Variants in MAGI1 observed in about 807,000 individuals in gnomAD.
MAGI1 encodes the protein membrane associated guanylate kinase, WW and PDZ domain containing 1, also known as membrane-associated guanylate kinase, WW and PDZ domain-containing protein 1.
Under a neutral mutation model 139.9 loss-of-function variants are expected in MAGI1, and 58 were observed. The ratio of observed to expected loss-of-function variants is 0.41; its 90% confidence interval spans 0.34 to 0.52. The LOEUF (loss-of-function observed/expected upper bound fraction) is 0.52. Among genes scored for constraint, MAGI1 ranks in the 20% least tolerant of loss-of-function variants. The probability of loss-of-function intolerance (pLI) is 0.12; values close to 1 mark genes in which losing one functional copy is unlikely to be tolerated. For missense variants in MAGI1, 1,874 were observed against 1,901.6 expected (o/e 0.99, Z 0.27); for synonymous variants, 812 against 737.9 (o/e 1.10, Z -1.63).
chr3:65,406,803 C>CTATA (rs571595404), intron 12 of MAGI1, among the ~76,000 whole-genome samples: 2 of 145,200 alleles, frequency 1.4e-5, no homozygotes, highest in African/African-American at 4.9e-5. Context: ...ATCTCTCTCT[C>CTATA]TCTATATATA....
At chr3:65,691,307 A>AAAAAAAAAAAAAAAAAAAAAAAAAAG (rs1388046202) in intron 1 of MAGI1, among the ~76,000 whole-genome samples, 8 of 133,744 alleles carry the variant, frequency 6.0e-5, no homozygotes, top group African/African-American at 1.3e-4. Context: ...CGTCTCAAAA[A>AAAAAAAAAAAAAAAAAAAAAAAAAAG]AAAAAAAAGA....
chr3:65,734,393 G>C (rs576855807), intron 1 of MAGI1, among the ~76,000 whole-genome samples: 24 of 151,244 alleles, frequency 1.6e-4, no homozygotes, highest in Admixed American at 1.5e-3. Flanking sequence ...CCAGGAGGTC[G>C]AGGCAGCAGT....
intron 1 of MAGI1, among the ~76,000 whole-genome samples, chr3:66,026,882 A>G (rs28482836): frequency 0.097 from 14,678 of 151,804 alleles, 898 homozygotes; most frequent in Middle Eastern, 0.21. Context: ...GGGCCAGCCT[A>G]AGACCGGTGT....
chr3:65,952,800 C>T (rs565217341), intron 1 of MAGI1, among the ~76,000 whole-genome samples: 23 of 152,266 alleles, frequency 1.5e-4, no homozygotes, highest in African/African-American at 5.1e-4. Context: ...GGCGACAGAG[C>T]GAGACTTCAT....
At chr3:65,778,127 T>C (rs913786648) in intron 1 of MAGI1, among the ~76,000 whole-genome samples, 5 of 152,072 alleles carry the variant, frequency 3.3e-5, no homozygotes, top group African/African-American at 1.2e-4. Context: ...GAAGAAAATA[T>C]TAATTTAAAA....
chr3:65,468,148 T>C (rs542788807), intron 5 of MAGI1, among the ~76,000 whole-genome samples: 1 of 152,254 alleles, frequency 6.6e-6, no homozygotes, highest in Non-Finnish European at 1.5e-5. Context: ...AACTTGTAAA[T>C]GATGGAAACA....
intron 1 of MAGI1, among the ~76,000 whole-genome samples, chr3:65,755,541 C>G (rs1577013839): frequency 1.1e-5 from 1 of 87,978 alleles, no homozygotes; most frequent in African/African-American, 4.3e-5. Flanking sequence ...TTCTTCTAGA[C>G]AGTCTGTGAT....
At chr3:66,036,275 G>C (rs529276310) in intron 1 of MAGI1, among the ~76,000 whole-genome samples, 6 of 152,334 alleles carry the variant, frequency 3.9e-5, no homozygotes, top group African/African-American at 1.4e-4. Flanking sequence ...CTTTCCACGT[G>C]TTAGCTTATG....
Position 65,356,661 on chromosome 3 carries a change from C to T in MAGI1, c.4106G>A (p.Arg1369Gln). The change falls in exon 23 of 23, where the codon CGG (arginine) becomes CAG (glutamine). Residue 1369 changes from arginine to glutamine, a missense_variant. By Grantham distance (43) the Arg-to-Gln change is conservative. Coordinates refer to ENST00000402939, the MANE Select transcript of MAGI1 (RefSeq NM_001033057.2). The part of the protein sequence containing the change: ...PTRRRDGSPS[R>Q]RRRSLERLLE... ...GAGTCTCTCCAGAGACCGTCTCCGC[C>T]GGCTGGGGGAGCCGTCTCTCCTGCG... is the stretch of plus-strand genomic sequence containing the variant. The T allele has an allele frequency of 6.3e-7, 1 of 1,582,932 alleles. No homozygotes were observed. Among genetic ancestry groups the T allele is most frequent in the Non-Finnish European group, 8.6e-7 (1 of 1,166,170 alleles).
chr3:65,364,736 G>T lies in MAGI1; in HGVS notation c.3291-11C>A. On this transcript the variant is annotated splice_polypyrimidine_tract_variant and intron_variant, in intron 19 of 22. Transcript: ENST00000402939. ...GGTTTGGTGGTATTCCTGCCAAAGT[G>T]AAAGAAATAAATATAAGAGCAACCC... 6.2e-7 allele frequency: 1 copy of T among 1,613,650 alleles called. No individual in the cohort carries two copies. The highest frequency in any genetic ancestry group is 8.5e-7 in the Non-Finnish European group (1 of 1,179,588).
At position 65,687,461 on chromosome 3, in the gene MAGI1, A is replaced by G. The variant is rs775784582; in HGVS notation, c.314-65373T>C. 3.4e-4 allele frequency: 130 copies of G among 385,478 alleles called. 1 individual carries two copies. Among genetic ancestry groups the G allele is most frequent in the Middle Eastern group, 2.7e-3 (4 of 1,496 alleles). The allele number at this position is 385,478 out of a possible 1,614,324, so 23.9% of individuals were successfully genotyped here. A position where few individuals can be genotyped will look rare whatever the true frequency, so the allele number is the denominator to read the frequency against. On this transcript the variant is annotated intron_variant, in intron 1 of 22. Coordinates refer to ENST00000402939, the MANE Select transcript of MAGI1 (RefSeq NM_001033057.2). ...GCCAACACCTGATGCAACTTCCTTC[A>G]GTGAGGCCTTCCTGAAGAGCAATCA...
Position 65,891,942 on chromosome 3 carries a change from A to G in MAGI1, c.313+146054T>C, listed in dbSNP as rs1463846733. 6.6e-3 allele frequency among the ~76,000 whole-genome samples: 597 copies of G among 90,844 alleles called. 8 individuals are homozygous for G. The highest frequency in any genetic ancestry group is 0.011 in the African/African-American group (272 of 24,362). The allele number at this position is 90,844 out of a possible 152,430, so 59.6% of individuals were successfully genotyped here. A position where few individuals can be genotyped will look rare whatever the true frequency, so the allele number is the denominator to read the frequency against. Reference sequence around the variant, plus strand: ...TATATATATATATATATATATATATACCCGTGTTGCTCCAATTCAAATTTG... The same window carrying G: ...TATATATATATATATATATATATATGCCCGTGTTGCTCCAATTCAAATTTG... On this transcript the variant is annotated intron_variant, in intron 1 of 22. Transcript: ENST00000402939.
At chr3:65,596,923 G>C (rs540198150) in intron 2 of MAGI1, among the ~76,000 whole-genome samples, 3 of 152,244 alleles carry the variant, frequency 2.0e-5, no homozygotes, top group Admixed American at 1.3e-4. Context: ...AAAGCCTTCC[G>C]CATGTACATT....
chr3:65,437,096 T>TA (rs546799566), intron 10 of MAGI1, 59 bp downstream of exon 10: 70 of 1,246,982 alleles, frequency 5.6e-5, no homozygotes, highest in South Asian at 1.4e-4. Context: ...CAAAATACCT[T>TA]AAAAAAAATT....
At chr3:65,990,828 A>T (rs1348567997) in intron 1 of MAGI1, among the ~76,000 whole-genome samples, 4 of 152,162 alleles carry the variant, frequency 2.6e-5, no homozygotes, top group Non-Finnish European at 4.4e-5. Flanking sequence ...CTGATTTTGA[A>T]TCTCAGATCT....
intron 18 of MAGI1, among the ~76,000 whole-genome samples, chr3:65,365,656 C>T (rs74697679): frequency 0.047 from 7,160 of 152,232 alleles, 247 homozygotes; most frequent in South Asian, 0.16. Context: ...GACTGAAACT[C>T]GTCATACATT....
intron 1 of MAGI1, among the ~76,000 whole-genome samples, chr3:65,923,590 T>C (rs1560018050): frequency 6.6e-6 from 1 of 152,136 alleles, no homozygotes; most frequent in Non-Finnish European, 1.5e-5. Flanking sequence ...TGTTATGTCC[T>C]TGGAATAAAT....
At chr3:65,706,466 C>T (rs537547273) in intron 1 of MAGI1, among the ~76,000 whole-genome samples, 1 of 152,310 alleles carries the variant, frequency 6.6e-6, no homozygotes, top group African/African-American at 2.4e-5. Context: ...CCAGCACCTC[C>T]TGGGTGCCAA....
intron 1 of MAGI1, among the ~76,000 whole-genome samples, chr3:65,729,303 C>A (rs1403097626): frequency 6.6e-6 from 1 of 152,148 alleles, no homozygotes; most frequent in African/African-American, 2.4e-5. Flanking sequence ...GGTAAACAAA[C>A]TATATTCATT....
Sources: allele counts gnomAD v4.1 joint callset (sites outside exome capture counted in the v4.1 genomes callset), GRCh38; gene constraint gnomAD v4.1.1; transcripts MANE v1.5; gene names NCBI Gene and HGNC (gene_info 2026-07-23, HGNC 2026-07-21).